SV2C: variants seen among roughly 807,000 people sequenced by gnomAD.
SV2C encodes solute carrier family 22 member B3.
SV2C carries 49 observed loss-of-function variants against 79.7 expected under a neutral mutation model. The ratio of observed to expected loss-of-function variants is 0.61; its 90% CI spans 0.49 to 0.78. The LOEUF is 0.78. Among genes scored for constraint, SV2C ranks in the 30% least tolerant of loss-of-function variants. SV2C has a pLI of 0.00. For missense variants in SV2C, 833 were observed against 912.9 expected, an observed-to-expected ratio of 0.91 and a Z score of 1.13; for synonymous variants, 334 against 333.2, an observed-to-expected ratio of 1.00 and a Z score of -0.03.
At position 76,326,118 on chromosome 5, in the gene SV2C, CAATT is replaced by C. The variant is rs1748990226; in HGVS notation, c.*574_*577del. ...CTGGGTGGGGCTCTTTGGGGCAAGA[CAATT>C]AAGGTGACCGCTGACAAGAAAAATA... On this transcript the variant is annotated 3_prime_UTR_variant, in exon 13 of 13. Transcript: ENST00000502798. 6.6e-6 allele frequency: 1 copy of C among 151,992 alleles called. No individual in the cohort carries two copies. Among genetic ancestry groups the C allele is most frequent in the Non-Finnish European group, 1.5e-5 (1 of 68,046 alleles). The allele number at this position is 151,992 out of a possible 1,614,324, so 9.4% of individuals were successfully genotyped here.
chr5:76,131,729 A>G lies in SV2C; in HGVS notation c.-22A>G, dbSNP rs199844496. The G allele has an allele frequency of 1.9e-5, 29 of 1,560,396 alleles. No homozygotes were observed. The East Asian group carries it at 6.1e-4, about 33-fold the overall frequency. ...GGCTGTGAAAATTTCCCATCTTCTC[A>G]TTGGCCATCAGTTGAGATAAGATGG... On this transcript the variant is annotated 5_prime_UTR_variant, in exon 2 of 13. Coordinates refer to ENST00000502798, the MANE Select transcript of SV2C (RefSeq NM_014979.4).
At chr5:75,880,399 C>T in the SV2C span, among the ~76,000 whole-genome samples, 1 of 152,132 alleles carries the variant, frequency 6.6e-6, no homozygotes, top group Non-Finnish European at 1.5e-5. Context: ...CACATCTAAG[C>T]ATAGGTTGTT....
At chr5:76,141,698 C>A (rs1035907708) in intron 2 of SV2C, among the ~76,000 whole-genome samples, 1 of 151,504 alleles carries the variant, frequency 6.6e-6, no homozygotes, top group Non-Finnish European at 1.5e-5. Flanking sequence ...GTGGTATGTG[C>A]CTGTAGTCCC....
chr5:76,167,584 G>A (rs1487230659), intron 2 of SV2C, among the ~76,000 whole-genome samples: 1 of 152,202 alleles, frequency 6.6e-6, no homozygotes, highest in Non-Finnish European at 1.5e-5. Flanking sequence ...CACTTTATAA[G>A]AGTTAATTCA....
At chr5:76,065,388 G>A in the SV2C span, among the ~76,000 whole-genome samples, 2 of 152,128 alleles carry the variant, frequency 1.3e-5, no homozygotes, top group African/African-American at 4.8e-5. Context: ...TGGCAAACCA[G>A]AAATTATAAA....
intron 4 of SV2C, among the ~76,000 whole-genome samples, chr5:76,277,249 A>G (rs555920912): frequency 2.0e-5 from 3 of 152,342 alleles, no homozygotes; most frequent in Admixed American, 2.0e-4. Flanking sequence ...CCACTCCTAC[A>G]TATTTACCCA....
At chr5:75,955,108 C>A in the SV2C span, among the ~76,000 whole-genome samples, 1 of 148,534 alleles carries the variant, frequency 6.7e-6, no homozygotes, top group African/African-American at 2.6e-5. Flanking sequence ...GCCAAAAGAA[C>A]AAAGCTGGAG....
the SV2C span, among the ~76,000 whole-genome samples, chr5:76,022,596 G>A: frequency 6.6e-6 from 1 of 152,150 alleles, no homozygotes; most frequent in Non-Finnish European, 1.5e-5. Flanking sequence ...TTCTGTACCG[G>A]ATGCGGTAAC....
At chr5:76,066,730 T>C in the SV2C span, among the ~76,000 whole-genome samples, 1 of 150,212 alleles carries the variant, frequency 6.7e-6, no homozygotes, top group East Asian at 2.0e-4. Flanking sequence ...GAAAGAACCA[T>C]GCACAACTGT....
the SV2C span, among the ~76,000 whole-genome samples, chr5:75,877,576 A>G: frequency 6.7e-6 from 1 of 148,396 alleles, no homozygotes; most frequent in African/African-American, 2.5e-5. Context: ...GATCACAGTG[A>G]AATGAAATTT....
In SV2C at chr5:76,221,886, T is replaced by G. The variant is rs1055124217; in HGVS notation, c.913+11999T>G. 2.6e-5 allele frequency among the ~76,000 whole-genome samples: 4 copies of G among 152,294 alleles called. No individual in the cohort carries two copies. In the East Asian group the frequency reaches 5.8e-4, roughly 22 times the overall value. On this transcript the variant is annotated intron_variant, in intron 4 of 12. Transcript: ENST00000502798. Reference sequence around the variant, plus strand: ...CCTATGGTAAATAAAAGTAGTAACATTGGTTTTACTTATTGTAGATATAGA... The same window carrying G: ...CCTATGGTAAATAAAAGTAGTAACAGTGGTTTTACTTATTGTAGATATAGA...
the SV2C span, among the ~76,000 whole-genome samples, chr5:75,937,730 A>G: frequency 6.6e-6 from 1 of 152,040 alleles, no homozygotes; most frequent in Admixed American, 6.6e-5. Context: ...AAACAAAACA[A>G]AACAAAACAA....
At chr5:76,155,741 C>T (rs1249517272) in intron 2 of SV2C, among the ~76,000 whole-genome samples, 2 of 151,926 alleles carry the variant, frequency 1.3e-5, no homozygotes, top group Non-Finnish European at 2.9e-5. Context: ...GCCCCACCAC[C>T]ACTGAGAACT....
At chr5:75,868,547 A>T in the SV2C span, among the ~76,000 whole-genome samples, 1 of 152,350 alleles carries the variant, frequency 6.6e-6, no homozygotes, top group East Asian at 1.9e-4. Flanking sequence ...TTTAGGAAGT[A>T]CCTGCTCCTG....
chr5:75,851,585 G>C, the SV2C span, among the ~76,000 whole-genome samples: 2 of 151,768 alleles, frequency 1.3e-5, no homozygotes, highest in Admixed American at 6.6e-5. Context: ...TTACAAGAAA[G>C]AAAAGTCTTT....
chr5:76,324,127 T>C (rs1339640449), intron 12 of SV2C, among the ~76,000 whole-genome samples: 1 of 152,192 alleles, frequency 6.6e-6, no homozygotes, highest in Non-Finnish European at 1.5e-5. Context: ...GTTTTTTTTC[T>C]CTTTACTTAT....
the SV2C span, among the ~76,000 whole-genome samples, chr5:75,940,810 G>A: frequency 2.6e-5 from 4 of 152,130 alleles, no homozygotes; most frequent in Admixed American, 6.5e-5. Flanking sequence ...TTAATCTTTG[G>A]TTACTTTATA....
At chr5:76,041,948 G>C in the SV2C span, among the ~76,000 whole-genome samples, 1 of 151,738 alleles carries the variant, frequency 6.6e-6, no homozygotes, top group Non-Finnish European at 1.5e-5. Context: ...AATCCAGAAC[G>C]CTCCCCCTGC....
chr5:76,024,082 A>T, the SV2C span, among the ~76,000 whole-genome samples: 1 of 152,074 alleles, frequency 6.6e-6, no homozygotes, highest in Non-Finnish European at 1.5e-5. Flanking sequence ...AGTAATGGAG[A>T]TTCAGGTTAT....
Sources: allele counts gnomAD v4.1 joint callset (sites outside exome capture counted in the v4.1 genomes callset), GRCh38; gene constraint gnomAD v4.1.1; transcripts MANE v1.5; gene names NCBI Gene and HGNC (gene_info 2026-07-23, HGNC 2026-07-21).